MIS18BP1: variants seen among roughly 807,000 people sequenced by gnomAD.
MIS18BP1 encodes the protein mis18-binding protein 1.
A neutral mutation model predicts 116.1 loss-of-function variants in MIS18BP1; 72 were observed. The observed-to-expected ratio is 0.62, with a 90% CI of 0.51 to 0.75. MIS18BP1 has a LOEUF of 0.75. Among genes scored for constraint, MIS18BP1 ranks in the 30% least tolerant of loss-of-function variants. The pLI is 0.00. For missense variants in MIS18BP1, 1,363 were observed against 1,303.2 expected (o/e 1.05, Z -0.71); for synonymous variants, 386 against 427.0 (o/e 0.90, Z 1.18).
In MIS18BP1 at chr14:45,253,179, C is replaced by T. The variant is rs983391238; in HGVS notation, c.-236G>A. 4.6e-5 allele frequency: 7 copies of T among 152,300 alleles called. No homozygotes were observed. The highest frequency in any genetic ancestry group is 1.7e-4 in the African/African-American group (7 of 41,478). 9.4% of individuals were successfully genotyped at this position (152,300 alleles called of 1,614,324 possible). On this transcript the variant is annotated 5_prime_UTR_variant, in exon 1 of 17. Coordinates refer to ENST00000310806, the MANE Select transcript of MIS18BP1 (RefSeq NM_018353.5). ...GCCAGGCGCCAAGCGACGCTTACCT[C>T]CTCCGCGACGTTCTCTAACACACAA... is the stretch of plus-strand genomic sequence containing the variant.
chr14:45,203,662 C>T lies in MIS18BP1; in HGVS notation c.*447G>A, dbSNP rs930541934. The T allele has an allele frequency of 6.6e-6, 1 of 152,458 alleles. No individual in the cohort carries two copies. The highest frequency in any genetic ancestry group is 6.6e-5 in the Admixed American group (1 of 15,260). The allele number at this position is 152,458 out of a possible 1,614,324, so 9.4% of individuals were successfully genotyped here. Reference sequence around the variant, plus strand: ...GGATAACAACTGGTAACAAATCCTACTCTGGCTTGGATAATAACTGCTAAC... The same window carrying T: ...GGATAACAACTGGTAACAAATCCTATTCTGGCTTGGATAATAACTGCTAAC... On this transcript the variant is annotated 3_prime_UTR_variant, in exon 17 of 17. Coordinates refer to ENST00000310806, the MANE Select transcript of MIS18BP1 (RefSeq NM_018353.5).
At position 45,231,189 on chromosome 14, in the gene MIS18BP1, T is replaced by A. The variant is rs1297795749; in HGVS notation, c.1546A>T (p.Thr516Ser). Residue 516 changes from threonine to serine, a missense_variant, in exon 8 of 17, where the codon ACT becomes TCT. Transcript: ENST00000310806. ...TAAGTGGTGGTGGCTCTTTGAGCAG[T>A]ATCTGTTTGGTTTTCTCGTGCATCA... ...KNDARENQTD[T>S]AQRATTTYDF... 6.2e-7 allele frequency: 1 copy of A among 1,613,918 alleles called. No individual in the cohort carries two copies.
Position 45,244,197 on chromosome 14 carries a change from T to C in MIS18BP1, c.545-1323A>G, listed in dbSNP as rs867656246. The stretch of plus-strand genomic sequence containing the variant: ...TTATCAGCTTATTACTTGCTACCTA[T>C]GAGACATAGAGCAAGCGGACTTACA... On this transcript the variant is annotated intron_variant, in intron 2 of 16. Transcript: ENST00000310806. Among the ~76,000 whole-genome samples the C allele has an allele frequency of 9.9e-5, 15 of 152,234 alleles. No individual in the cohort carries two copies. The South Asian group carries it at 2.9e-3, about 29-fold the overall frequency.
Position 45,247,282 on chromosome 14 carries a change from A to G in MIS18BP1, c.5T>C (p.Ile2Thr). 2 of 1,547,436 alleles carry G rather than the reference A, an allele frequency of 1.3e-6. No individual in the cohort carries two copies. Among genetic ancestry groups the G allele is most frequent in the Non-Finnish European group, 1.7e-6 (2 of 1,153,086 alleles). ...TCTTGAATGTTTCAAAGGTGTTGCA[A>G]TCATCTTGACAAGAAAGTAGCAACC... is the stretch of plus-strand genomic sequence containing the variant. MIATPLKHSRIY... is the reference protein window; with the variant it reads MTATPLKHSRIY... Residue 2 changes from isoleucine to threonine, a missense_variant, in exon 2 of 17, where the codon ATT (isoleucine) becomes ACT (threonine). Physicochemically the swap from Ile to Thr is moderately conservative, Grantham distance 89. Coordinates refer to ENST00000310806, the MANE Select transcript of MIS18BP1 (RefSeq NM_018353.5).
chr14:45,251,521 A>G (rs1594533161), intron 1 of MIS18BP1, among the ~76,000 whole-genome samples: 1 of 152,376 alleles, frequency 6.6e-6, no homozygotes, highest in South Asian at 2.1e-4. Context: ...GGTAGTAGTA[A>G]TAACTATTAC....
intron 4 of MIS18BP1, among the ~76,000 whole-genome samples, chr14:45,239,024 C>A (rs185460574): frequency 6.6e-6 from 1 of 152,062 alleles, no homozygotes. Flanking sequence ...TCTCTTTTTG[C>A]CTTCTCCCAC....
chr14:45,251,456 C>T (rs1891872317), intron 1 of MIS18BP1, among the ~76,000 whole-genome samples: 1 of 151,904 alleles, frequency 6.6e-6, no homozygotes, highest in Non-Finnish European at 1.5e-5. Flanking sequence ...AATGTAACTA[C>T]TCCTCCTCCT....
At chr14:45,233,020 A>G (rs1273930072) in intron 6 of MIS18BP1, among the ~76,000 whole-genome samples, 200 bp from the exon 7 acceptor site, 2 of 152,220 alleles carry the variant, frequency 1.3e-5, no homozygotes, top group Non-Finnish European at 2.9e-5. Context: ...TAATGTGGAA[A>G]AAAGTAGCTA....
chr14:45,229,133 G>C (rs1000046073), intron 8 of MIS18BP1, among the ~76,000 whole-genome samples: 2 of 151,762 alleles, frequency 1.3e-5, no homozygotes, highest in African/African-American at 4.8e-5. Context: ...GATCCCTGGG[G>C]GTGGGGGTGG....
At chr14:45,214,637 C>T (rs754614587) in intron 13 of MIS18BP1, among the ~76,000 whole-genome samples, 40 of 152,178 alleles carry the variant, frequency 2.6e-4, no homozygotes, top group South Asian at 1.2e-3. Context: ...CCCAGTCTGT[C>T]GTCCCACCTG....
At chr14:45,249,570 A>T (rs1891813318) in intron 1 of MIS18BP1, among the ~76,000 whole-genome samples, 1 of 152,150 alleles carries the variant, frequency 6.6e-6, no homozygotes, top group Admixed American at 6.5e-5. Context: ...ATCTCTCAAA[A>T]TCAAAAATGA....
Position 45,225,906 on chromosome 14 carries a change from T to C in MIS18BP1, c.1840+837A>G, listed in dbSNP as rs142785258. Among the ~76,000 whole-genome samples the C allele has an allele frequency of 2.9e-3, 438 of 152,274 alleles. 3 individuals are homozygous for C. The highest frequency in any genetic ancestry group is 0.01 in the African/African-American group (424 of 41,562). On this transcript the variant is annotated intron_variant, in intron 10 of 16. Transcript: ENST00000310806. ...GAGACTGATAGATAATATTGAATGC[T>C]GGGGAGAAAAGAAGCCTCTAAATTA...
intron 7 of MIS18BP1, 55 bp from the exon 8 acceptor site, chr14:45,231,353 CAA>C: frequency 1.4e-6 from 2 of 1,427,092 alleles, no homozygotes; most frequent in Middle Eastern, 2.2e-4. Context: ...AAAAACAAAA[CAA>C]AAAAAATCTT....
rs1200056002 is a variant in MIS18BP1 at position 45,231,182 on chromosome 14, T to C, written c.1553A>G (p.Gln518Arg). Residue 518 changes from glutamine to arginine, a missense_variant, in exon 8 of 17, where the codon CAA becomes CGA. Coordinates refer to ENST00000310806, the MANE Select transcript of MIS18BP1 (RefSeq NM_018353.5). ...DARENQTDTA[Q>R]RATTTYDFDC... ...AAAATCGTAAGTGGTGGTGGCTCTT[T>C]GAGCAGTATCTGTTTGGTTTTCTCG... 3 of 1,613,846 alleles carry C rather than the reference T, an allele frequency of 1.9e-6. No individual in the cohort carries two copies. In the Admixed American group the frequency reaches 5.0e-5, roughly 27 times the overall value.
At chr14:45,237,618 A>G in intron 5 of MIS18BP1, 30 bp downstream of exon 5, 1 of 1,581,778 alleles carries the variant, frequency 6.3e-7, no homozygotes, top group African/African-American at 1.4e-5. Context: ...CTAAAGTTTT[A>G]TTAAAAGAAT....
chr14:45,209,049 C>T (rs1594497511), intron 14 of MIS18BP1, among the ~76,000 whole-genome samples: 1 of 152,110 alleles, frequency 6.6e-6, no homozygotes, highest in Middle Eastern at 3.4e-3. Flanking sequence ...CTTGTATTCA[C>T]ATGGTTCAAA....
chr14:45,249,048 A>G (rs1023884581), intron 1 of MIS18BP1, among the ~76,000 whole-genome samples: 1 of 149,144 alleles, frequency 6.7e-6, no homozygotes, highest in African/African-American at 2.5e-5. Flanking sequence ...TGGGACCACA[A>G]GTGTGTGCCA....
At chr14:45,251,356 A>C (rs1181816385) in intron 1 of MIS18BP1, among the ~76,000 whole-genome samples, 2 of 152,196 alleles carry the variant, frequency 1.3e-5, no homozygotes, top group Non-Finnish European at 2.9e-5. Context: ...AAATTACCTG[A>C]GAATGTATTT....
intron 15 of MIS18BP1, among the ~76,000 whole-genome samples, chr14:45,205,397 CTACT>C (rs1464457019): frequency 6.6e-6 from 1 of 152,060 alleles, no homozygotes; most frequent in Non-Finnish European, 1.5e-5. Flanking sequence ...CGAAGATTAG[CTACT>C]TAGAGGAAAT....
Sources: allele counts gnomAD v4.1 joint callset (sites outside exome capture counted in the v4.1 genomes callset), GRCh38; gene constraint gnomAD v4.1.1; transcripts MANE v1.5; gene names NCBI Gene and HGNC (gene_info 2026-07-23, HGNC 2026-07-21).